Variants in PTPRT observed in about 807,000 individuals in gnomAD.
PTPRT encodes the protein receptor-type tyrosine-protein phosphatase T.
A neutral mutation model predicts 176.8 loss-of-function variants in PTPRT; 56 were observed. The ratio of observed to expected loss-of-function variants is 0.32; its 90% CI spans 0.26 to 0.40. The LOEUF is 0.40. Among genes scored for constraint, PTPRT ranks in the 10% least tolerant of loss-of-function variants. PTPRT has a pLI of 1.00. For synonymous variants in PTPRT, 783 were observed against 739.0 expected, an observed-to-expected ratio of 1.06 and a Z score of -0.96; for missense variants, 1,540 against 1,908.2, an observed-to-expected ratio of 0.81 and a Z score of 3.60.
intron 27 of PTPRT, among the ~76,000 whole-genome samples, chr20:42,089,795 A>G (rs544672901): frequency 3.5e-4 from 54 of 152,292 alleles, no homozygotes; most frequent in Non-Finnish European, 2.9e-5. Context: ...GACACTGCAT[A>G]TATTCTAGCC....
At chr20:42,692,501 C>T (rs1451811317) in intron 6 of PTPRT, among the ~76,000 whole-genome samples, 1 of 152,152 alleles carries the variant, frequency 6.6e-6, no homozygotes, top group Non-Finnish European at 1.5e-5. Context: ...AACAGCCATT[C>T]ATGATAAAAC....
chr20:42,776,506 C>G (rs1003513321), intron 4 of PTPRT, among the ~76,000 whole-genome samples: 13 of 152,134 alleles, frequency 8.5e-5, no homozygotes, highest in Admixed American at 2.0e-4. Context: ...AGCAAGAAGG[C>G]AGCCACCTGC....
intron 2 of PTPRT, among the ~76,000 whole-genome samples, chr20:42,878,314 A>G (rs1270648463): frequency 6.6e-6 from 1 of 152,246 alleles, no homozygotes; most frequent in East Asian, 1.9e-4. Flanking sequence ...TGCTAAAGAA[A>G]AAAGTATTAA....
the PTPRT span, among the ~76,000 whole-genome samples, chr20:42,052,103 C>T: frequency 1.3e-5 from 2 of 152,190 alleles, no homozygotes; most frequent in African/African-American, 2.4e-5. Flanking sequence ...GGGTGGCATA[C>T]CCTGTTGGGC....
intron 2 of PTPRT, among the ~76,000 whole-genome samples, chr20:42,871,426 A>G (rs2078844871): frequency 6.6e-6 from 1 of 151,952 alleles, no homozygotes; most frequent in African/African-American, 2.4e-5. Context: ...ATTTTCTCCC[A>G]TTCCACAGGT....
chr20:42,848,020 G>A (rs1434884117), intron 2 of PTPRT, among the ~76,000 whole-genome samples: 1 of 151,834 alleles, frequency 6.6e-6, no homozygotes, highest in African/African-American at 2.4e-5. Context: ...AAGTCATTGT[G>A]TCATTCTTAT....
At chr20:42,979,093 G>A (rs569266003) in intron 1 of PTPRT, among the ~76,000 whole-genome samples, 2 of 152,198 alleles carry the variant, frequency 1.3e-5, no homozygotes, top group East Asian at 1.9e-4. Flanking sequence ...TGTTGTCAAC[G>A]TAAATCGAGA....
intron 1 of PTPRT, among the ~76,000 whole-genome samples, chr20:42,977,903 G>T (rs1176317620): frequency 2.6e-5 from 4 of 152,182 alleles, no homozygotes; most frequent in African/African-American, 9.7e-5. Context: ...CGTGGGAATG[G>T]AATTATAATA....
chr20:42,304,882 T>C (rs920309751), intron 12 of PTPRT, among the ~76,000 whole-genome samples: 1 of 152,200 alleles, frequency 6.6e-6, no homozygotes, highest in African/African-American at 2.4e-5. Flanking sequence ...ATGAAAAATA[T>C]GTATGCTTCC....
intron 1 of PTPRT, among the ~76,000 whole-genome samples, chr20:43,107,610 A>C (rs2012673143): frequency 6.6e-6 from 1 of 152,242 alleles, no homozygotes; most frequent in Non-Finnish European, 1.5e-5. Flanking sequence ...CCACGTTAAC[A>C]GGCACTTTGT....
chr20:42,488,782 G>A (rs1402172741), intron 7 of PTPRT, among the ~76,000 whole-genome samples: 5 of 152,004 alleles, frequency 3.3e-5, no homozygotes, highest in Non-Finnish European at 7.4e-5. Context: ...CTGACCAACT[G>A]AGAAAAGCCC....
At chr20:42,818,363 C>CA (rs35133574) in intron 2 of PTPRT, among the ~76,000 whole-genome samples, 2,073 of 146,340 alleles carry the variant, frequency 0.014, 19 homozygotes, top group Admixed American at 0.021. Context: ...CAAAAAGACC[C>CA]AAAAAAAAAA....
chr20:42,248,721 T>A lies in PTPRT; in HGVS notation c.2278A>T (p.Ile760Phe). ...VIAGLLMFII[I>F]LLGVMLTIKR... ...ATGGTGAGCATCACGCCCAGGAGAA[T>A]GATGATGAACATGAGGAGGCCAGCG... is the stretch of plus-strand genomic sequence containing the variant. Residue 760 changes from isoleucine (I) to phenylalanine (F), a missense_variant, in exon 14 of 31, where the codon ATT becomes TTT. By Grantham distance (21) the Ile-to-Phe change is conservative (BLOSUM62 0). Transcript: ENST00000373187. The A allele has an allele frequency of 6.2e-7, 1 of 1,613,908 alleles. No individual in the cohort carries two copies. The highest frequency in any genetic ancestry group is 1.1e-5 in the South Asian group (1 of 91,040).
chr20:42,314,567 G>T (rs1011500429), intron 12 of PTPRT, among the ~76,000 whole-genome samples: 6 of 146,116 alleles, frequency 4.1e-5, no homozygotes, highest in African/African-American at 1.5e-4. Flanking sequence ...GAAAAGAAAA[G>T]AAATATGAAA....
chr20:42,143,689 G>A (rs1398438472), intron 17 of PTPRT, among the ~76,000 whole-genome samples: 4 of 152,280 alleles, frequency 2.6e-5, no homozygotes, highest in Non-Finnish European at 5.9e-5. Flanking sequence ...GTTGACTTGG[G>A]TTGCCTCGGA....
intron 7 of PTPRT, among the ~76,000 whole-genome samples, chr20:42,489,495 G>A (rs2071524104): frequency 1.4e-5 from 2 of 147,256 alleles, no homozygotes; most frequent in South Asian, 4.2e-4. Context: ...AGCATACCTA[G>A]CCTATCCTGA....
intron 13 of PTPRT, among the ~76,000 whole-genome samples, chr20:42,265,194 A>G (rs1006307237): frequency 2.6e-5 from 4 of 152,196 alleles, no homozygotes; most frequent in African/African-American, 7.2e-5. Flanking sequence ...GTCCTGAACC[A>G]TCCTGCCATG....
At chr20:42,212,298 G>T (rs1192385296) in intron 15 of PTPRT, among the ~76,000 whole-genome samples, 1 of 73,912 alleles carries the variant, frequency 1.4e-5, no homozygotes, top group East Asian at 3.8e-4. Flanking sequence ...AAAACTTAAA[G>T]TATAAAAAAA....
intron 7 of PTPRT, among the ~76,000 whole-genome samples, chr20:42,653,153 A>G (rs2075063001): frequency 6.6e-6 from 1 of 152,180 alleles, no homozygotes; most frequent in African/African-American, 2.4e-5. Context: ...TGCTGTTCTC[A>G]TGGTAGTGAG....
Sources: allele counts gnomAD v4.1 joint callset (sites outside exome capture counted in the v4.1 genomes callset), GRCh38; gene constraint gnomAD v4.1.1; transcripts MANE v1.5; gene names NCBI Gene and HGNC (gene_info 2026-07-23, HGNC 2026-07-21).